The following SDK2 variants were observed in gnomAD, a reference collection of about 807,000 sequenced individuals.
SDK2 encodes sidekick cell adhesion molecule 2, also known as protein sidekick-2.
Under a neutral mutation model 253.9 loss-of-function variants are expected in SDK2, and 105 were observed. The ratio of observed to expected loss-of-function variants is 0.41; its 90% confidence interval spans 0.35 to 0.49. SDK2 has a LOEUF of 0.49. Ranked by LOEUF, SDK2 falls within the 20% of genes least tolerant of loss-of-function variation. SDK2 has a pLI of 0.06. For missense variants in SDK2, 2,608 were observed against 3,003.0 expected (o/e 0.87, Z 3.07); for synonymous variants, 1,249 against 1,234.9 (o/e 1.01, Z -0.24).
At chr17:73,566,871 T>C (rs2045318957) in intron 1 of SDK2, among the ~76,000 whole-genome samples, 1 of 145,348 alleles carries the variant, frequency 6.9e-6, no homozygotes, top group Non-Finnish European at 1.5e-5. Flanking sequence ...ACACTTATAA[T>C]TAAAAAAAAA....
At chr17:73,545,609 C>T (rs1011133421) in intron 1 of SDK2, among the ~76,000 whole-genome samples, 3 of 151,978 alleles carry the variant, frequency 2.0e-5, no homozygotes, top group East Asian at 1.9e-4. Context: ...CCTCAGAAGG[C>T]GGATCACAAA....
At chr17:73,374,012 T>C (rs1164511058) in intron 36 of SDK2, among the ~76,000 whole-genome samples, 2 of 145,038 alleles carry the variant, frequency 1.4e-5, no homozygotes, top group Non-Finnish European at 2.9e-5. Context: ...ATGAGTTCCT[T>C]ACATATTTTG....
Position 73,379,418 on chromosome 17 carries a change from C to T in SDK2, c.4864+30G>A, listed in dbSNP as rs1158479192. The T allele has an allele frequency of 1.3e-6, 2 of 1,561,462 alleles. No individual in the cohort carries two copies. Among genetic ancestry groups the T allele is most frequent in the Middle Eastern group, 1.7e-4 (1 of 5,760 alleles). ...ACTGGGTGGGGCTGGGAAAGGCATG[C>T]TGGGGCCGGACAGGGCGGGCGCTGC... is the stretch of plus-strand genomic sequence containing the variant. On this transcript the variant is annotated intron_variant, in intron 35 of 44. Transcript: ENST00000392650. This position sits in a 1 kb window ranked among gnomAD's most constrained non-coding sequence, Gnocchi z 4.5.
At chr17:73,632,937 G>A (rs2046287707) in intron 1 of SDK2, among the ~76,000 whole-genome samples, 1 of 152,062 alleles carries the variant, frequency 6.6e-6, no homozygotes, top group Non-Finnish European at 1.5e-5. Context: ...TTTATGTGTT[G>A]GGATAGAATT....
chr17:73,457,333 CT>C (rs1485720370), intron 3 of SDK2, among the ~76,000 whole-genome samples: 4 of 127,952 alleles, frequency 3.1e-5, no homozygotes, highest in Non-Finnish European at 5.0e-5. Context: ...CTCCCCTCCC[CT>C]CTCCTCTCCT....
chr17:73,423,355 G>A (rs1390269698), intron 14 of SDK2, 31 bp downstream of exon 14: 1 of 1,377,224 alleles, frequency 7.3e-7, no homozygotes, highest in Non-Finnish European at 9.5e-7. Flanking sequence ...GCTTGGGCGG[G>A]AGGTGTTGGA....
chr17:73,559,039 G>A (rs2045187500), intron 1 of SDK2, among the ~76,000 whole-genome samples: 1 of 152,192 alleles, frequency 6.6e-6, no homozygotes, highest in Admixed American at 6.5e-5. Context: ...AACCACCCAT[G>A]GGAAGGAAAG....
intron 2 of SDK2, among the ~76,000 whole-genome samples, chr17:73,484,494 T>C (rs2063758084): frequency 6.6e-6 from 1 of 152,214 alleles, no homozygotes; most frequent in African/African-American, 2.4e-5. Context: ...GTGAGTGGGT[T>C]CCCTGATGCG....
chr17:73,570,356 C>A lies in SDK2; in HGVS notation c.65-62759G>T, dbSNP rs780690897. 3.3e-5 allele frequency among the ~76,000 whole-genome samples: 5 copies of A among 152,194 alleles called. No individual in the cohort carries two copies. The highest frequency in any genetic ancestry group is 5.9e-5 in the Non-Finnish European group (4 of 68,034). ...AGCTCCTGGCTCTGTTTTCTCAAATCGCAGCAGAGCATATGCTCAATAAAG... is the reference window on the plus strand; with the variant it reads ...AGCTCCTGGCTCTGTTTTCTCAAATAGCAGCAGAGCATATGCTCAATAAAG... On this transcript the variant is annotated intron_variant, in intron 1 of 44. Coordinates refer to ENST00000392650, the MANE Select transcript of SDK2 (RefSeq NM_001144952.2). The surrounding 1 kb of genome is among the most constrained non-coding windows in gnomAD (Gnocchi z 4.2).
Position 73,435,754 on chromosome 17 carries a change from GA to G in SDK2, c.1001-111del. Reference sequence around the variant, plus strand: ...GGAAATCTGCGAGGGGGTCCCTGGTGAATCTTGGTGTCTAGAACCTTCTCAG... The same window carrying G: ...GGAAATCTGCGAGGGGGTCCCTGGTGATCTTGGTGTCTAGAACCTTCTCAG... On this transcript the variant is annotated intron_variant, in intron 8 of 44. Transcript: ENST00000392650. The surrounding 1 kb of genome is among the most constrained non-coding windows in gnomAD (Gnocchi z 5.7). The G allele has an allele frequency of 1.0e-6, 1 of 979,438 alleles. No individual in the cohort carries two copies. Among genetic ancestry groups the G allele is most frequent in the South Asian group, 1.7e-5 (1 of 59,920 alleles). 60.7% of individuals were successfully genotyped at this position (979,438 alleles called of 1,614,324 possible).
At chr17:73,596,536 G>C (rs773630217) in intron 1 of SDK2, among the ~76,000 whole-genome samples, 13 of 152,106 alleles carry the variant, frequency 8.5e-5, no homozygotes, top group African/African-American at 2.9e-4. Context: ...TGGCCTCCCT[G>C]TCCCAGCGTC....
chr17:73,539,253 G>A (rs2044827123), intron 1 of SDK2, among the ~76,000 whole-genome samples: 1 of 152,180 alleles, frequency 6.6e-6, no homozygotes, highest in Non-Finnish European at 1.5e-5. Flanking sequence ...TGGACAGGCT[G>A]AGCAGGCCCC....
chr17:73,634,375 A>G (rs1365372690), intron 1 of SDK2, among the ~76,000 whole-genome samples: 2 of 152,216 alleles, frequency 1.3e-5, no homozygotes, highest in Non-Finnish European at 2.9e-5. Context: ...CAAGTTACTT[A>G]ATATTTCTGA....
At chr17:73,353,188 CAACCAATGACAG>C (rs1350863643) in intron 40 of SDK2, among the ~76,000 whole-genome samples, 8 of 152,074 alleles carry the variant, frequency 5.3e-5, no homozygotes, top group Admixed American at 5.2e-4. Context: ...AGTACTGTCA[CAACCAATGACAG>C]AACCACCGTC....
chr17:73,466,199 T>C (rs1300906285), intron 3 of SDK2, among the ~76,000 whole-genome samples: 1 of 152,162 alleles, frequency 6.6e-6, no homozygotes, highest in African/African-American at 2.4e-5. Context: ...AGAGGGTGGC[T>C]AGGCATGTAT....
rs2046056942 is a variant in SDK2 at position 73,616,342 on chromosome 17, C to A, written c.64+27683G>T. 6.6e-6 allele frequency among the ~76,000 whole-genome samples: 1 copy of A among 152,020 alleles called. No individual in the cohort carries two copies. Among genetic ancestry groups the A allele is most frequent in the Non-Finnish European group, 1.5e-5 (1 of 68,010 alleles). On this transcript the variant is annotated intron_variant, in intron 1 of 44. Coordinates refer to ENST00000392650, the MANE Select transcript of SDK2 (RefSeq NM_001144952.2). This position sits in a 1 kb window ranked among gnomAD's most constrained non-coding sequence, Gnocchi z 5.2. ...CTCCCCACCTCAACAGTCTCCCCAG[C>A]CCCAGCTCAGCATCCCACACACACA...
intron 2 of SDK2, among the ~76,000 whole-genome samples, chr17:73,489,513 C>A (rs1025933796): frequency 2.0e-5 from 3 of 152,316 alleles, no homozygotes; most frequent in East Asian, 3.9e-4. Flanking sequence ...CCCAGATGGC[C>A]GGAGCTTCCT....
intron 1 of SDK2, among the ~76,000 whole-genome samples, chr17:73,614,486 G>C (rs996886230): frequency 1.3e-5 from 2 of 149,974 alleles, no homozygotes; most frequent in African/African-American, 5.0e-5. Flanking sequence ...AACATGTCCT[G>C]GGCATGTTTG....
intron 18 of SDK2, among the ~76,000 whole-genome samples, chr17:73,405,959 G>A (rs935421523): frequency 2.6e-5 from 4 of 151,826 alleles, no homozygotes; most frequent in Non-Finnish European, 5.9e-5. Context: ...TCCTGACCTC[G>A]TGATCCGCCT....
Sources: gnomAD v4.1 joint callset for allele counts (sites outside exome capture counted in the v4.1 genomes callset) on GRCh38, gnomAD v4.1.1 for gene constraint, Gnocchi (gnomAD v3.1) non-coding constraint, MANE v1.5 for transcripts, NCBI Gene and HGNC (gene_info 2026-07-23, HGNC 2026-07-21) for gene names.